Variants in COMMD1 observed in about 807,000 individuals in gnomAD.
The protein encoded by COMMD1 is copper metabolism domain containing 1, also known as COMM domain-containing protein 1.
Under a neutral mutation model 17.2 loss-of-function variants are expected in COMMD1, and 10 were observed. The observed-to-expected ratio is 0.58, with a 90% CI of 0.36 to 0.99. The LOEUF (loss-of-function observed/expected upper bound fraction) is 0.99. COMMD1 is among the 50% of genes least tolerant of loss of function. The pLI is 0.01. For missense variants in COMMD1, 270 were observed against 231.8 expected (o/e 1.17, Z -1.07); for synonymous variants, 97 against 91.6 (o/e 1.06, Z -0.34).
chr2:61,909,223 G>A (rs957513109), intron 1 of COMMD1, among the ~76,000 whole-genome samples: 1 of 152,180 alleles, frequency 6.6e-6, no homozygotes, highest in Non-Finnish European at 1.5e-5. Flanking sequence ...ACCGCGCCTG[G>A]CACAAACATG....
chr2:61,920,233 A>T (rs1440792110), intron 1 of COMMD1, among the ~76,000 whole-genome samples: 5 of 152,132 alleles, frequency 3.3e-5, no homozygotes, highest in South Asian at 2.1e-4. Context: ...GTTATAAGAG[A>T]TGACCTCTAA....
chr2:62,098,866 T>C (rs1251279107), intron 2 of COMMD1, among the ~76,000 whole-genome samples: 1 of 152,236 alleles, frequency 6.6e-6, no homozygotes, highest in Non-Finnish European at 1.5e-5. Context: ...CTCAATCAGC[T>C]GACACATGTC....
At chr2:62,134,326 G>A (rs542648581) in intron 2 of COMMD1, among the ~76,000 whole-genome samples, 7 of 152,270 alleles carry the variant, frequency 4.6e-5, no homozygotes, top group African/African-American at 1.4e-4. Context: ...ACATTAATTA[G>A]CCACATCATT....
intron 1 of COMMD1, among the ~76,000 whole-genome samples, chr2:61,940,042 TC>T (rs1422709332): frequency 6.6e-6 from 1 of 151,966 alleles, no homozygotes; most frequent in Non-Finnish European, 1.5e-5. Flanking sequence ...AAGCCAATAT[TC>T]CATAACAAGG....
At chr2:61,889,541 C>T (rs969211275) in intron 1 of COMMD1, among the ~76,000 whole-genome samples, 4 of 152,150 alleles carry the variant, frequency 2.6e-5, no homozygotes, top group Non-Finnish European at 2.9e-5. Context: ...CCGGCTGGAT[C>T]TATCCGCGAG....
chr2:62,063,237 TAAAAGAAAA>T (rs1558582912), intron 2 of COMMD1, among the ~76,000 whole-genome samples: 1 of 151,778 alleles, frequency 6.6e-6, no homozygotes, highest in Non-Finnish European at 1.5e-5. Flanking sequence ...TAAAATAAAA[TAAAAGAAAA>T]TATTAGCAGG....
chr2:61,976,154 G>A (rs959068836), intron 1 of COMMD1, among the ~76,000 whole-genome samples: 1 of 149,874 alleles, frequency 6.7e-6, no homozygotes, highest in African/African-American at 2.5e-5. Context: ...TGCATACTAG[G>A]GTAGCTTTAA....
chr2:62,003,605 T>TACACACACACACACACAC (rs57628894), intron 2 of COMMD1, among the ~76,000 whole-genome samples: 3 of 146,164 alleles, frequency 2.1e-5, no homozygotes, highest in African/African-American at 7.5e-5. Flanking sequence ...CAGATATTTT[T>TACACACACACACACACAC]ACACACACAC....
intron 2 of COMMD1, among the ~76,000 whole-genome samples, chr2:62,023,792 G>A (rs912193187): frequency 3.9e-5 from 6 of 152,070 alleles, no homozygotes; most frequent in African/African-American, 1.4e-4. Flanking sequence ...GCCTATTGTG[G>A]AATTTATGTG....
intron 1 of COMMD1, among the ~76,000 whole-genome samples, chr2:61,910,491 C>T (rs1669877007): frequency 6.6e-6 from 1 of 152,168 alleles, no homozygotes. Flanking sequence ...AAGCAGTCCA[C>T]CCTCCTTGGC....
At chr2:61,945,110 T>G (rs540957310) in intron 1 of COMMD1, among the ~76,000 whole-genome samples, 1 of 152,222 alleles carries the variant, frequency 6.6e-6, no homozygotes, top group African/African-American at 2.4e-5. Context: ...GATTACTGAG[T>G]GCTCCAATGG....
At chr2:61,973,990 T>C (rs1671721458) in intron 1 of COMMD1, among the ~76,000 whole-genome samples, 1 of 152,238 alleles carries the variant, frequency 6.6e-6, no homozygotes, top group South Asian at 2.1e-4. Context: ...TAGTTTCACT[T>C]GCTCTAGAAC....
intron 1 of COMMD1, among the ~76,000 whole-genome samples, chr2:61,949,410 C>A (rs1281618692): frequency 1.3e-5 from 2 of 152,110 alleles, no homozygotes; most frequent in Non-Finnish European, 2.9e-5. Flanking sequence ...TCCTTCCAAA[C>A]AAAGAAGCCT....
upstream of COMMD1, chr2:61,905,625 G>C (rs1014808405): frequency 6.8e-7 from 1 of 1,479,836 alleles, no homozygotes; most frequent in African/African-American, 1.4e-5. Flanking sequence ...GGCACATCTC[G>C]GCCGCCGTGG....
chr2:61,956,389 C>T lies in COMMD1; in HGVS notation c.181-44312C>T, dbSNP rs549236578. ...TGTTCAGATGCATTAAATGTTAGCA[C>T]CTCAAAATTAATTCCTTGTAAAATT... On this transcript the variant is annotated intron_variant, in intron 1 of 2. Transcript: ENST00000311832. 6.6e-4 allele frequency among the ~76,000 whole-genome samples: 99 copies of T among 149,220 alleles called. 7 individuals are homozygous for T. Among genetic ancestry groups the T allele is most frequent in the Non-Finnish European group, 4.0e-4 (27 of 67,998 alleles).
intron 1 of COMMD1, among the ~76,000 whole-genome samples, chr2:61,914,030 C>T (rs1042544424): frequency 2.1e-4 from 32 of 151,060 alleles, no homozygotes; most frequent in African/African-American, 6.8e-4. Context: ...AAATTAGCCA[C>T]GTGTGGTGGT....
rs1193388432 is a variant in COMMD1, at chr2:61,941,347, G to A, written c.180+35489G>A. Among the ~76,000 whole-genome samples the A allele has an allele frequency of 2.6e-5, 4 of 152,160 alleles. No homozygotes were observed. The East Asian group carries it at 7.7e-4, about 29-fold the overall frequency. ...CTGGCCTACTCCAGTGTTTTATTAA[G>A]CATGTGTAAGACCATGAGGGACAGC... On this transcript the variant is annotated intron_variant, in intron 1 of 2. Coordinates refer to ENST00000311832, the MANE Select transcript of COMMD1 (RefSeq NM_152516.4).
chr2:61,979,897 C>A (rs981309443), intron 1 of COMMD1, among the ~76,000 whole-genome samples: 1 of 117,094 alleles, frequency 8.5e-6, no homozygotes, highest in South Asian at 3.4e-4. Context: ...ATCCCTCCCC[C>A]CTCCCCCGAC....
At chr2:61,921,367 AAATATTG>A (rs1418930868) in intron 1 of COMMD1, among the ~76,000 whole-genome samples, 2 of 152,226 alleles carry the variant, frequency 1.3e-5, no homozygotes, top group African/African-American at 4.8e-5. Flanking sequence ...TCATTTACAG[AAATATTG>A]AATATTGAAT....
Sources: gnomAD v4.1 joint callset for allele counts (sites outside exome capture counted in the v4.1 genomes callset) on GRCh38, gnomAD v4.1.1 for gene constraint, MANE v1.5 for transcripts, NCBI Gene and HGNC (gene_info 2026-07-23, HGNC 2026-07-21) for gene names.